BICRAL: variants seen among roughly 807,000 people sequenced by gnomAD.
BICRAL encodes the protein BICRA like chromatin remodeling complex associated protein.
BICRAL carries 8 observed loss-of-function variants against 91.8 expected under a neutral mutation model. The ratio of observed to expected loss-of-function variants is 0.09; its 90% confidence interval spans 0.05 to 0.16. BICRAL has a LOEUF of 0.16. Among genes scored for constraint, BICRAL ranks in the 10% least tolerant of loss-of-function variants. The probability of loss-of-function intolerance (pLI) is 1.00; values close to 1 mark genes in which losing one functional copy is unlikely to be tolerated. For missense variants in BICRAL, 1,038 were observed against 1,310.9 expected (o/e 0.79, Z 3.21); for synonymous variants, 445 against 491.1 (o/e 0.91, Z 1.24).
At chr6:42,816,823 G>A (rs1764007258) in intron 2 of BICRAL, among the ~76,000 whole-genome samples, 1 of 151,712 alleles carries the variant, frequency 6.6e-6, no homozygotes, top group African/African-American at 2.4e-5. Context: ...GACCATCCTG[G>A]CTAACATGGT....
chr6:42,781,533 G>GTT (rs751931190), upstream of BICRAL, among the ~76,000 whole-genome samples: 3 of 83,694 alleles, frequency 3.6e-5, no homozygotes, highest in Admixed American at 3.0e-4. Context: ...ATCTTGTAGG[G>GTT]TTTTTTTTTT....
intron 1 of BICRAL, among the ~76,000 whole-genome samples, chr6:42,793,268 C>T (rs1385040612): frequency 2.3e-5 from 3 of 133,164 alleles, no homozygotes; most frequent in Non-Finnish European, 4.7e-5. Flanking sequence ...CTCAGCCTCC[C>T]GAGTAGCTGG....
chr6:42,782,893 C>G (rs983411163), intron 1 of BICRAL, among the ~76,000 whole-genome samples: 1 of 151,834 alleles, frequency 6.6e-6, no homozygotes, highest in Non-Finnish European at 1.5e-5. Context: ...GTTTTCCCCC[C>G]CTCGTTTCTT....
intron 1 of BICRAL, among the ~76,000 whole-genome samples, chr6:42,788,837 G>A (rs1227861734): frequency 2.6e-5 from 4 of 152,192 alleles, no homozygotes; most frequent in Non-Finnish European, 5.9e-5. Flanking sequence ...ATCCCTTGCC[G>A]TGGCTTGGGG....
chr6:42,859,830 A>G (rs1425203418), intron 10 of BICRAL, among the ~76,000 whole-genome samples: 3 of 151,748 alleles, frequency 2.0e-5, no homozygotes, highest in Non-Finnish European at 2.9e-5. Flanking sequence ...TATTTTTAGT[A>G]GAGATGGGGT....
chr6:42,830,930 A>G (rs1407195536), intron 6 of BICRAL, among the ~76,000 whole-genome samples: 1 of 152,172 alleles, frequency 6.6e-6, no homozygotes, highest in East Asian at 1.9e-4. Flanking sequence ...AAAATTTTTT[A>G]TCCAGTGTAG....
chr6:42,852,289 C>T (rs1191870638), intron 7 of BICRAL, 92 bp downstream of exon 7: 1 of 774,384 alleles, frequency 1.3e-6, no homozygotes, highest in Non-Finnish European at 2.3e-6. Context: ...AGCTTTCTGG[C>T]TTAATCTCGT....
At chr6:42,847,537 G>A (rs1043055462) in intron 6 of BICRAL, among the ~76,000 whole-genome samples, 2 of 151,978 alleles carry the variant, frequency 1.3e-5, no homozygotes, top group Non-Finnish European at 2.9e-5. Flanking sequence ...CAGCACTTTG[G>A]GAGGCTGAGG....
intron 7 of BICRAL, 116 bp downstream of exon 7, chr6:42,852,313 A>G (rs1167541092): frequency 2.7e-6 from 2 of 727,706 alleles, no homozygotes; most frequent in Non-Finnish European, 5.1e-6. Flanking sequence ...CACTCCGATT[A>G]TTCCTTTCTT....
rs375221316 is a variant in BICRAL at position 42,811,453 on chromosome 6, C to T, written c.-6+1052C>T. ...CTAGCCAACATGGTGAAACCCCGTC[C>T]CTACTAAAAATACAAAAATTAGCTG... On this transcript the variant is annotated intron_variant, in intron 2 of 12. Transcript: ENST00000314073. 1.3e-4 allele frequency among the ~76,000 whole-genome samples: 20 copies of T among 151,918 alleles called. No homozygotes were observed. In the East Asian group the frequency reaches 1.9e-3, roughly 15 times the overall value.
intron 6 of BICRAL, among the ~76,000 whole-genome samples, chr6:42,832,239 T>G (rs996228436): frequency 6.6e-6 from 1 of 151,094 alleles, no homozygotes; most frequent in Non-Finnish European, 1.5e-5. Flanking sequence ...TCCCAGCTAC[T>G]TAGGAGGCTG....
Position 42,826,638 on chromosome 6 carries a change from G to A in BICRAL, c.160-1855G>A, listed in dbSNP as rs543732420. On this transcript the variant is annotated intron_variant, in intron 5 of 12. Transcript: ENST00000314073. The stretch of plus-strand genomic sequence containing the variant: ...TCGAGATTACTGTGTTTGAGCCTTA[G>A]GTTCCCTTACTCTTTTCAGTTGCTT... Among the ~76,000 whole-genome samples, 3 of 152,200 alleles carry A rather than the reference G, an allele frequency of 2.0e-5. No homozygotes were observed. In the East Asian group the frequency reaches 5.8e-4, roughly 29 times the overall value.
upstream of BICRAL, among the ~76,000 whole-genome samples, chr6:42,777,352 A>C (rs1296046478): frequency 1.3e-5 from 2 of 152,210 alleles, no homozygotes; most frequent in African/African-American, 4.8e-5. Context: ...TGGTGAAATG[A>C]CTTGCCCAAA....
chr6:42,825,057 G>A (rs886287447), intron 5 of BICRAL, among the ~76,000 whole-genome samples: 8 of 149,942 alleles, frequency 5.3e-5, no homozygotes, highest in South Asian at 4.2e-4. Flanking sequence ...TCAGGAGTTC[G>A]AGACCAGCCT....
Position 42,862,601 on chromosome 6 carries a change from T to C in BICRAL, c.2441T>C (p.Leu814Pro). The change falls in exon 12 of 13, where the codon CTT (leucine) becomes CCT (proline). Residue 814 changes from leucine to proline, a missense_variant. By Grantham distance (98) the Leu-to-Pro change is moderately conservative (BLOSUM62 -3). This residue lies in a region of BICRAL where 294 missense variants were observed against 292.6 expected (regional missense o/e 1.00). Coordinates refer to ENST00000314073, the MANE Select transcript of BICRAL (RefSeq NM_001393499.1). Reference sequence around the variant, plus strand: ...CTGTCCCGAGACAAGCGTTTGGCACTTGTAGACCCTGGTAAGAAACATCGC... The same window carrying C: ...CTGTCCCGAGACAAGCGTTTGGCACCTGTAGACCCTGGTAAGAAACATCGC... ...ASLSRDKRLA[L>P]VDPEGFQADF... is the part of the protein sequence containing the mutation. The C allele has an allele frequency of 6.3e-7, 1 of 1,591,526 alleles. No homozygotes were observed. The highest frequency in any genetic ancestry group is 2.2e-5 in the East Asian group (1 of 44,768).
Position 42,748,472 on chromosome 6 carries a change from T to G in BICRAL, c.-261+1449T>G, listed in dbSNP as rs529661149. Among the ~76,000 whole-genome samples, 8 of 152,302 alleles carry G rather than the reference T, an allele frequency of 5.3e-5. No individual in the cohort carries two copies. The South Asian group carries it at 1.7e-3, about 32-fold the overall frequency. The stretch of plus-strand genomic sequence containing the variant: ...GCTGTATCCCAAGTGGAATTGAATG[T>G]TATTAAACCCTTTCAAGAACTTCAT... On this transcript the variant is annotated intron_variant, in intron 1 of 14. Transcript: ENST00000614467.
chr6:42,807,030 C>T (rs1466809694), intron 1 of BICRAL, among the ~76,000 whole-genome samples: 1 of 151,906 alleles, frequency 6.6e-6, no homozygotes, highest in African/African-American at 2.4e-5. Flanking sequence ...ACGGTTTTGC[C>T]ATGTTGGCCA....
chr6:42,790,394 T>C (rs1018857757), intron 1 of BICRAL, among the ~76,000 whole-genome samples: 1 of 138,348 alleles, frequency 7.2e-6, no homozygotes, highest in Non-Finnish European at 1.5e-5. Flanking sequence ...CAGGCTGGCC[T>C]CAAACTCCTG....
chr6:42,860,374 G>A lies in BICRAL; in HGVS notation c.2349+18G>A, dbSNP rs77984367. On this transcript the variant is annotated intron_variant, in intron 11 of 12. Transcript: ENST00000314073. ...ATGCCATGGTAAAAGTCATGCTACT[G>A]ATATTTGTTCTTTAAAACTTTACAG... is the stretch of plus-strand genomic sequence containing the variant. 0.044 allele frequency: 63,504 copies of A among 1,458,278 alleles called. 2,273 individuals carry two copies. Among genetic ancestry groups the A allele is most frequent in the East Asian group, 0.14 (6,048 of 43,994 alleles). 90.3% of individuals were successfully genotyped at this position (1,458,278 alleles called of 1,614,324 possible). A position where few individuals can be genotyped will look rare whatever the true frequency, so the allele number is the denominator to read the frequency against.
Sources: gnomAD v4.1 joint callset for allele counts (sites outside exome capture counted in the v4.1 genomes callset) on GRCh38, gnomAD v4.1.1 for gene constraint, gnomAD v4.1.1 regional missense constraint, MANE v1.5 for transcripts, NCBI Gene and HGNC (gene_info 2026-07-23, HGNC 2026-07-21) for gene names.